The following HIPK3 variants were observed in gnomAD, a reference collection of about 807,000 sequenced individuals.
The protein encoded by HIPK3 is homeodomain interacting protein kinase 3, also known as homeodomain-interacting protein kinase 3.
Under a neutral mutation model 124.2 loss-of-function variants are expected in HIPK3, and 47 were observed. That is an observed-to-expected ratio of 0.38 (90% CI 0.30 to 0.48). The LOEUF (loss-of-function observed/expected upper bound fraction) is 0.48, where lower values mean the gene tolerates loss of function less well. HIPK3 is among the 20% of genes least tolerant of loss of function. The pLI, the probability that HIPK3 is intolerant of heterozygous loss-of-function variation, is 0.98. For synonymous variants in HIPK3, 482 were observed against 515.2 expected, an observed-to-expected ratio of 0.94 and a Z score of 0.87; for missense variants, 1,286 against 1,454.3, an observed-to-expected ratio of 0.88 and a Z score of 1.88.
intron 1 of HIPK3, among the ~76,000 whole-genome samples, chr11:33,262,055 C>T (rs1418159524): frequency 6.6e-6 from 1 of 152,170 alleles, no homozygotes; most frequent in Non-Finnish European, 1.5e-5. Flanking sequence ...TTTAAATGTC[C>T]TAACTGGTTC....
intron 14 of HIPK3, among the ~76,000 whole-genome samples, chr11:33,351,232 T>C (rs1412215053): frequency 1.3e-5 from 2 of 152,212 alleles, no homozygotes; most frequent in African/African-American, 2.4e-5. Context: ...CACATACATA[T>C]ATGTTTGTAT....
At chr11:33,283,737 C>T (rs978075666) in intron 1 of HIPK3, among the ~76,000 whole-genome samples, 1 of 151,524 alleles carries the variant, frequency 6.6e-6, no homozygotes, top group Non-Finnish European at 1.5e-5. Flanking sequence ...TACAGTGGCG[C>T]GATCTCGGCT....
At chr11:33,258,757 T>C in intron 1 of HIPK3, 4 of 957,060 alleles carry the variant, frequency 4.2e-6, no homozygotes, top group Non-Finnish European at 5.0e-6. Context: ...CGCTGAAGAG[T>C]GTGTGCGTAA....
rs913283734 is a variant in HIPK3, at chr11:33,267,667, T to C, written c.-3+9778T>C. Among the ~76,000 whole-genome samples the C allele has an allele frequency of 8.6e-4, 131 of 151,744 alleles. 2 individuals carry two copies. Among genetic ancestry groups the C allele is most frequent in the Admixed American group, 8.6e-3 (131 of 15,228 alleles). On this transcript the variant is annotated intron_variant, in intron 1 of 16. Coordinates refer to ENST00000303296, the MANE Select transcript of HIPK3 (RefSeq NM_005734.5). ...CGCCACCACGCCCAGCTAAAATCTT[T>C]TTGTATTTTTAGTAGAGATGGGGTT...
At chr11:33,332,755 T>G (rs944582179) in intron 3 of HIPK3, among the ~76,000 whole-genome samples, 4 of 152,160 alleles carry the variant, frequency 2.6e-5, no homozygotes, top group Non-Finnish European at 5.9e-5. Context: ...AAGGGGACAT[T>G]TATTTATATG....
chr11:33,347,153 C>G, intron 8 of HIPK3, 140 bp from the exon 9 acceptor site: 1 of 685,218 alleles, frequency 1.5e-6, no homozygotes, highest in South Asian at 1.9e-5. Flanking sequence ...GTGCTCCAGT[C>G]TGGGCAACAG....
intron 8 of HIPK3, among the ~76,000 whole-genome samples, chr11:33,343,593 T>C (rs1853408504): frequency 6.6e-6 from 1 of 152,202 alleles, no homozygotes; most frequent in African/African-American, 2.4e-5. Flanking sequence ...GATTTTTTAA[T>C]TTTAAGCATT....
intron 1 of HIPK3, among the ~76,000 whole-genome samples, chr11:33,266,046 G>A (rs1261535538): frequency 8.7e-5 from 12 of 137,222 alleles, no homozygotes; most frequent in African/African-American, 3.3e-4. Context: ...GCGACAGAGT[G>A]AGACTCCATC....
intron 2 of HIPK3, among the ~76,000 whole-genome samples, chr11:33,300,609 A>T (rs1008134012): frequency 1.3e-5 from 2 of 152,206 alleles, no homozygotes; most frequent in Non-Finnish European, 2.9e-5. Flanking sequence ...GTACTGGGAA[A>T]CCAAAAAATT....
Position 33,354,836 on chromosome 11 carries a change from C to G in HIPK3, c.*1268C>G, listed in dbSNP as rs573789430. On this transcript the variant is annotated 3_prime_UTR_variant, in exon 17 of 17. Coordinates refer to ENST00000303296, the MANE Select transcript of HIPK3 (RefSeq NM_005734.5). ...TTCTAGGAAGTGTGTTGAGTTCCCC[C>G]CTTCCCCGACATTTTTTTCTTTTTT... 2 of 151,774 alleles carry G rather than the reference C, an allele frequency of 1.3e-5. No individual in the cohort carries two copies. The highest frequency in any genetic ancestry group is 2.4e-5 in the African/African-American group (1 of 41,346). 9.4% of individuals were successfully genotyped at this position (151,774 alleles called of 1,614,324 possible). A position where few individuals can be genotyped will look rare whatever the true frequency, so the allele number is the denominator to read the frequency against.
intron 2 of HIPK3, among the ~76,000 whole-genome samples, chr11:33,295,376 G>C (rs1590369129): frequency 6.6e-6 from 1 of 151,316 alleles, no homozygotes; most frequent in Admixed American, 6.6e-5. Context: ...CCTAGCCAGG[G>C]TTGTGCTTTG....
rs370396153 is a variant in HIPK3 at position 33,311,837 on chromosome 11, T to TACACACACACACACACACACACAC, written c.1098-16664_1098-16641dup. On this transcript the variant is annotated intron_variant, in intron 2 of 16. Transcript: ENST00000303296. ...GGGCAACATAGCAGGACCCTGTTTC[T>TACACACACACACACACACACACAC]ACACACACACACACACACACACACA... 6.7e-5 allele frequency among the ~76,000 whole-genome samples: 7 copies of TACACACACACACACACACACACAC among 104,494 alleles called. 1 individual carries two copies. The highest frequency in any genetic ancestry group is 1.1e-4 in the African/African-American group (3 of 26,580). 68.6% of individuals were successfully genotyped at this position (104,494 alleles called of 152,430 possible). A position where few individuals can be genotyped will look rare whatever the true frequency, so the allele number is the denominator to read the frequency against.
At chr11:33,338,599 A>T (rs558033790) in intron 4 of HIPK3, among the ~76,000 whole-genome samples, 158 bp from the exon 5 acceptor site, 123 of 146,456 alleles carry the variant, frequency 8.4e-4, no homozygotes, top group African/African-American at 2.7e-3. Flanking sequence ...AGCACTTCTC[A>T]TTTTTTTTTT....
intron 2 of HIPK3, among the ~76,000 whole-genome samples, chr11:33,323,168 G>C (rs1038420454): frequency 8.5e-5 from 13 of 152,214 alleles, no homozygotes; most frequent in African/African-American, 3.1e-4. Flanking sequence ...GTTAAAACAT[G>C]GTTGAACACT....
chr11:33,323,792 A>G (rs1271601789), intron 2 of HIPK3, among the ~76,000 whole-genome samples: 2 of 152,242 alleles, frequency 1.3e-5, no homozygotes, highest in African/African-American at 2.4e-5. Context: ...AAGAAATGGC[A>G]TTTCAGATGT....
At chr11:33,313,067 T>G (rs765533888) in intron 2 of HIPK3, among the ~76,000 whole-genome samples, 11 of 152,162 alleles carry the variant, frequency 7.2e-5, no homozygotes, top group Non-Finnish European at 1.5e-4. Flanking sequence ...TAATAATATG[T>G]TTTCTAATAA....
intron 2 of HIPK3, among the ~76,000 whole-genome samples, chr11:33,298,685 G>A (rs1851907173): frequency 6.6e-6 from 1 of 152,212 alleles, no homozygotes; most frequent in South Asian, 2.1e-4. Flanking sequence ...ACTTCGAGGG[G>A]TTCAAGACTT....
In HIPK3 at chr11:33,286,740, T is replaced by A; in HGVS notation, c.326T>A (p.Ile109Asn). 3 of 1,614,084 alleles carry A rather than the reference T, an allele frequency of 1.9e-6. No individual in the cohort carries two copies. The highest frequency in any genetic ancestry group is 2.5e-6 in the Non-Finnish European group (3 of 1,180,024). ...AQQAHVQAPQ[I>N]GAWRNRLHFL... ...CAAGCTCACGTGCAGGCACCTCAGA[T>A]TGGGGCGTGGCGAAACAGATTGCAT... The change falls in exon 2 of 17, where the codon ATT becomes AAT. Residue 109 changes from isoleucine (I) to asparagine (N), a missense_variant. Physicochemically the swap from Ile to Asn is moderately radical, Grantham distance 149. Transcript: ENST00000303296.
chr11:33,303,939 GTA>G (rs1012040222), intron 2 of HIPK3, among the ~76,000 whole-genome samples: 4 of 151,358 alleles, frequency 2.6e-5, no homozygotes, highest in East Asian at 1.9e-4. Flanking sequence ...ATATATATGT[GTA>G]TATATATATA....
Sources: allele counts gnomAD v4.1 joint callset (sites outside exome capture counted in the v4.1 genomes callset), GRCh38; gene constraint gnomAD v4.1.1; transcripts MANE v1.5; gene names NCBI Gene and HGNC (gene_info 2026-07-23, HGNC 2026-07-21).